The following OR51B5 variants were observed in gnomAD, a reference collection of about 807,000 sequenced individuals.
OR51B5 encodes olfactory receptor family 51 subfamily B member 5.
For missense variants in OR51B5, 456 were observed against 374.6 expected, an observed-to-expected ratio of 1.22 and a Z score of -1.79; for synonymous variants, 186 against 144.8, an observed-to-expected ratio of 1.28 and a Z score of -2.04.
intron 1 of OR51B5, among the ~76,000 whole-genome samples, chr11:5,372,849 C>A (rs912716821): frequency 6.6e-6 from 1 of 152,120 alleles, no homozygotes; most frequent in African/African-American, 2.4e-5. Context: ...CCACAGAACA[C>A]CCCCAAATGG....
chr11:5,426,179 A>G (rs1850447883), intron 1 of OR51B5, among the ~76,000 whole-genome samples: 1 of 152,188 alleles, frequency 6.6e-6, no homozygotes, highest in Non-Finnish European at 1.5e-5. Context: ...TATAGTGAGT[A>G]TGTCAATCAA....
At chr11:5,393,569 T>C (rs1182483841) in intron 1 of OR51B5, among the ~76,000 whole-genome samples, 1 of 152,040 alleles carries the variant, frequency 6.6e-6, no homozygotes, top group East Asian at 1.9e-4. Flanking sequence ...TTACAATGAC[T>C]ATAAAAAGTT....
At chr11:5,495,686 AAC>A (rs35639762) in intron 1 of OR51B5, among the ~76,000 whole-genome samples, 35,371 of 152,074 alleles carry the variant, frequency 0.23, 4,939 homozygotes, top group Non-Finnish European at 0.32. Flanking sequence ...CAGGAGCTAC[AAC>A]ACAGTCAGAA....
chr11:5,371,869 C>G (rs1849453439), intron 1 of OR51B5, among the ~76,000 whole-genome samples: 1 of 152,120 alleles, frequency 6.6e-6, no homozygotes, highest in Admixed American at 6.6e-5. Flanking sequence ...TCCTATACAG[C>G]TGCAAGTTTA....
At chr11:5,348,486 T>C (rs1417830075), upstream of OR51B5, among the ~76,000 whole-genome samples, 1 of 152,094 alleles carries the variant, frequency 6.6e-6, no homozygotes, top group East Asian at 1.9e-4. Context: ...AAATACTTTC[T>C]AGAAAAAAAG....
At chr11:5,460,412 T>C (rs536403414) in intron 1 of OR51B5, among the ~76,000 whole-genome samples, 1 of 152,378 alleles carries the variant, frequency 6.6e-6, no homozygotes, top group African/African-American at 2.4e-5. Context: ...AAAGAAATTC[T>C]TCTACTGAAT....
chr11:5,341,422 A>T (rs1589940622), downstream of OR51B5: 1 of 152,350 alleles, frequency 6.6e-6, no homozygotes, highest in East Asian at 1.9e-4. Flanking sequence ...ACAATTCTGT[A>T]AAATGATCGG....
intron 1 of OR51B5, chr11:5,352,016 A>C: frequency 6.2e-7 from 1 of 1,613,814 alleles, no homozygotes. Context: ...TGTCGATCCC[A>C]TGTACTCTCC....
At chr11:5,465,705 A>C (rs7483605) in intron 1 of OR51B5, among the ~76,000 whole-genome samples, 1 of 131,652 alleles carries the variant, frequency 7.6e-6, no homozygotes, top group Admixed American at 7.8e-5. Flanking sequence ...CAAGCAATGG[A>C]GAAAGGATTC....
At chr11:5,346,965 G>A (rs1437640778), upstream of OR51B5, 2 of 152,152 alleles carry the variant, frequency 1.3e-5, no homozygotes, top group Non-Finnish European at 1.5e-5. Flanking sequence ...CTTCCCAGAT[G>A]TCTCCCTTTT....
At chr11:5,477,862 C>G (rs1308143567) in intron 1 of OR51B5, among the ~76,000 whole-genome samples, 5 of 152,138 alleles carry the variant, frequency 3.3e-5, no homozygotes, top group African/African-American at 4.8e-5. Flanking sequence ...GAGGGTCCTA[C>G]GCCCACGGAG....
At chr11:5,429,371 A>G (rs930621481) in intron 1 of OR51B5, among the ~76,000 whole-genome samples, 54 of 152,186 alleles carry the variant, frequency 3.5e-4, no homozygotes, top group African/African-American at 1.3e-3. Context: ...TAAGTATTTC[A>G]AAAAAGTCAC....
intron 1 of OR51B5, among the ~76,000 whole-genome samples, chr11:5,405,382 C>G (rs965908244): frequency 4.6e-5 from 7 of 152,042 alleles, no homozygotes; most frequent in African/African-American, 1.7e-4. Flanking sequence ...GTCAACTAAG[C>G]AAGAAATAAA....
intron 1 of OR51B5, among the ~76,000 whole-genome samples, chr11:5,452,281 G>T (rs1439825638): frequency 2.0e-5 from 3 of 152,028 alleles, no homozygotes; most frequent in African/African-American, 7.2e-5. Flanking sequence ...AAGGCAGGCG[G>T]ATCACGAGGT....
At chr11:5,504,415 T>C (rs560024155) in intron 1 of OR51B5, among the ~76,000 whole-genome samples, 2 of 152,298 alleles carry the variant, frequency 1.3e-5, no homozygotes, top group East Asian at 1.9e-4. Flanking sequence ...AGGCCCAGCA[T>C]GACCAAAACT....
At chr11:5,402,596 C>T in intron 1 of OR51B5, 1 of 468,318 alleles carries the variant, frequency 2.1e-6, no homozygotes, top group South Asian at 1.6e-5. Flanking sequence ...GATATGTCAA[C>T]ATGAAAATTT....
At chr11:5,468,055 T>C (rs899856444) in intron 1 of OR51B5, among the ~76,000 whole-genome samples, 3 of 152,234 alleles carry the variant, frequency 2.0e-5, no homozygotes, top group African/African-American at 7.2e-5. Flanking sequence ...TACATATCTT[T>C]AGTTTTTGAG....
At chr11:5,465,122 C>G (rs1210869802) in intron 1 of OR51B5, among the ~76,000 whole-genome samples, 1 of 134,698 alleles carries the variant, frequency 7.4e-6, no homozygotes, top group Non-Finnish European at 1.6e-5. Flanking sequence ...AGGAGAATGG[C>G]GTGAACCCGG....
chr11:5,378,581 C>T (rs918410534), intron 1 of OR51B5, among the ~76,000 whole-genome samples: 3 of 152,126 alleles, frequency 2.0e-5, no homozygotes, highest in Admixed American at 6.5e-5. Flanking sequence ...GGGCTAATAT[C>T]CAGAATCTAT....
Sources: gnomAD v4.1 joint callset for allele counts (sites outside exome capture counted in the v4.1 genomes callset) on GRCh38, gnomAD v4.1.1 for gene constraint, MANE v1.5 for transcripts, NCBI Gene and HGNC (gene_info 2026-07-23, HGNC 2026-07-21) for gene names.